GDI2: variants seen among roughly 807,000 people sequenced by gnomAD.
GDI2 encodes the protein rab GDP dissociation inhibitor beta.
In GDI2, 22 loss-of-function variants were observed where a neutral mutation model predicts 54.2. The observed-to-expected ratio is 0.41, with a 90% CI of 0.29 to 0.58. The LOEUF is 0.58. Among genes scored for constraint, GDI2 ranks in the 20% least tolerant of loss-of-function variants. GDI2 has a pLI of 0.35. For missense variants in GDI2, 422 were observed against 546.0 expected (o/e 0.77, Z 2.26); for synonymous variants, 177 against 182.1 (o/e 0.97, Z 0.23).
chr10:5,811,230 A>G (rs1841475077), intron 1 of GDI2, among the ~76,000 whole-genome samples: 1 of 152,210 alleles, frequency 6.6e-6, no homozygotes, highest in African/African-American at 2.4e-5. Flanking sequence ...TATAATTATC[A>G]AAGAACATCT....
In GDI2 at chr10:5,786,220, G is replaced by C. The variant is rs570963293; in HGVS notation, c.389-170C>G. Among the ~76,000 whole-genome samples, 203 of 135,072 alleles carry C rather than the reference G, an allele frequency of 1.5e-3. 1 individual carries two copies. Among genetic ancestry groups the C allele is most frequent in the Admixed American group, 2.6e-3 (30 of 11,476 alleles). 88.6% of individuals were successfully genotyped at this position (135,072 alleles called of 152,430 possible). On this transcript the variant is annotated intron_variant, in intron 4 of 10. Coordinates refer to ENST00000380191, the MANE Select transcript of GDI2 (RefSeq NM_001494.4). ...GAGTCTTGCTCTGTCGCCTAGACTGGAGTGCAATGACGCAATCTCAGCTCA... is the reference window on the plus strand; with the variant it reads ...GAGTCTTGCTCTGTCGCCTAGACTGCAGTGCAATGACGCAATCTCAGCTCA...
In GDI2 at chr10:5,768,305, A is replaced by C; in HGVS notation, c.899T>G (p.Val300Gly). 1.9e-6 allele frequency: 3 copies of C among 1,611,710 alleles called. No homozygotes were observed. Among genetic ancestry groups the C allele is most frequent in the Non-Finnish European group, 2.5e-6 (3 of 1,177,902 alleles). ...GATGGGGTGGCTGAGGATGCAAATA[A>C]CTCTGATCACCTGGCCCACTTTTTC... ...RVEKVGQVIRVICILSHPIKN... is the reference protein window; with the variant it reads ...RVEKVGQVIRGICILSHPIKN... Residue 300 changes from valine to glycine, a missense_variant, in exon 8 of 11, where the codon GTT (valine) becomes GGT (glycine). Transcript: ENST00000380191. This position sits in a 1 kb window ranked among gnomAD's most constrained non-coding sequence, Gnocchi z 4.4.
intron 2 of GDI2, among the ~76,000 whole-genome samples, chr10:5,800,188 C>A (rs1178377026): frequency 6.6e-6 from 1 of 151,976 alleles, no homozygotes; most frequent in Non-Finnish European, 1.5e-5. Flanking sequence ...GGCAGTATAG[C>A]AAAAGGAACT....
At chr10:5,799,018 A>T (rs922271215) in intron 2 of GDI2, among the ~76,000 whole-genome samples, 1 of 152,080 alleles carries the variant, frequency 6.6e-6, no homozygotes, top group African/African-American at 2.4e-5. Flanking sequence ...AAGAAAAGAA[A>T]AAAATTGTGA....
chr10:5,787,786 T>C (rs1202220625), intron 4 of GDI2, among the ~76,000 whole-genome samples: 1 of 152,248 alleles, frequency 6.6e-6, no homozygotes, highest in Non-Finnish European at 1.5e-5. Context: ...CTGTCAGAAC[T>C]TAAAGCTATT....
intron 6 of GDI2, among the ~76,000 whole-genome samples, chr10:5,781,215 C>T (rs1840746360): frequency 6.6e-6 from 1 of 150,428 alleles, no homozygotes; most frequent in Non-Finnish European, 1.5e-5. Context: ...ATCCCACACA[C>T]CAACACTGTC....
In GDI2 at chr10:5,797,607, C is replaced by T. The variant is rs922426577; in HGVS notation, c.154-745G>A. Among the ~76,000 whole-genome samples the T allele has an allele frequency of 4.9e-5, 7 of 142,966 alleles. No homozygotes were observed. In the South Asian group the frequency reaches 6.7e-4, roughly 14 times the overall value. The allele number at this position is 142,966 out of a possible 152,430, so 93.8% of individuals were successfully genotyped here. On this transcript the variant is annotated intron_variant, in intron 2 of 10. Transcript: ENST00000380191. ...GTGTGTGCCTGTAAGCCCAGCTACT[C>T]GAGAGGCTGAGGCAGGAGAATCACA...
chr10:5,812,520 G>C (rs1177946574), intron 1 of GDI2, among the ~76,000 whole-genome samples: 1 of 152,202 alleles, frequency 6.6e-6, no homozygotes, highest in Non-Finnish European at 1.5e-5. Flanking sequence ...CGAAGGTCAG[G>C]TGCGAAAGCA....
intron 7 of GDI2, among the ~76,000 whole-genome samples, chr10:5,772,105 T>C (rs1840503291): frequency 6.6e-6 from 1 of 151,888 alleles, no homozygotes; most frequent in South Asian, 2.1e-4. Context: ...TTTATCTCTA[T>C]CTCCTAAACA....
At chr10:5,784,251 C>CT (rs1840824247) in intron 6 of GDI2, among the ~76,000 whole-genome samples, 1 of 152,192 alleles carries the variant, frequency 6.6e-6, no homozygotes, top group African/African-American at 2.4e-5. Flanking sequence ...TTGCATGTCT[C>CT]TAAGTGTGTC....
chr10:5,794,529 A>C (rs1564396189), intron 4 of GDI2, among the ~76,000 whole-genome samples: 1 of 152,114 alleles, frequency 6.6e-6, no homozygotes, highest in Non-Finnish European at 1.5e-5. Context: ...TCAAATAAGA[A>C]AACAATATGG....
chr10:5,770,690 G>A (rs1454392420), intron 7 of GDI2, among the ~76,000 whole-genome samples: 2 of 151,896 alleles, frequency 1.3e-5, no homozygotes, highest in Non-Finnish European at 1.5e-5. Context: ...TTCTGGCCGG[G>A]CGCAGTGGCT....
chr10:5,790,061 C>T (rs771488060), intron 4 of GDI2, among the ~76,000 whole-genome samples: 11 of 152,186 alleles, frequency 7.2e-5, no homozygotes, highest in Admixed American at 1.3e-4. Context: ...CTGAGTAAAA[C>T]GTAGGACCCA....
At chr10:5,793,865 G>A (rs1249349508) in intron 4 of GDI2, among the ~76,000 whole-genome samples, 1 of 152,018 alleles carries the variant, frequency 6.6e-6, no homozygotes, top group Non-Finnish European at 1.5e-5. Flanking sequence ...GTTGGGCAGA[G>A]AATAAGATCA....
intron 1 of GDI2, among the ~76,000 whole-genome samples, chr10:5,808,758 C>T (rs1841430068): frequency 8.0e-6 from 1 of 124,366 alleles, no homozygotes; most frequent in Admixed American, 8.1e-5. Context: ...CAAATGTGAT[C>T]AGGAGTACAA....
At position 5,796,744 on chromosome 10, in the gene GDI2, TA is replaced by T. The variant is rs746840404; in HGVS notation, c.253+18del. ...TGTAATCAAAGTACTGTCATAAATT[TA>T]AGTTAGAAATTCTTTACCATTAGCC... On this transcript the variant is annotated intron_variant, in intron 3 of 10. Transcript: ENST00000380191. The T allele has an allele frequency of 8.8e-7, 1 of 1,132,322 alleles. No homozygotes were observed. Among genetic ancestry groups the T allele is most frequent in the South Asian group, 1.2e-5 (1 of 80,850 alleles). 70.1% of individuals were successfully genotyped at this position (1,132,322 alleles called of 1,614,324 possible).
At chr10:5,784,006 T>A (rs1840816534) in intron 6 of GDI2, among the ~76,000 whole-genome samples, 1 of 152,202 alleles carries the variant, frequency 6.6e-6, no homozygotes, top group Non-Finnish European at 1.5e-5. Context: ...CGGGGAAGTT[T>A]TCCTCAATTA....
intron 7 of GDI2, chr10:5,769,057 CAGG>C (rs890771496): frequency 6.6e-5 from 10 of 152,220 alleles, no homozygotes; most frequent in Middle Eastern, 3.4e-3. Context: ...GAGGCTGAGG[CAGG>C]AGAATTGCTT....
chr10:5,783,773 T>C (rs2131696681), intron 6 of GDI2, among the ~76,000 whole-genome samples: 1 of 152,332 alleles, frequency 6.6e-6, no homozygotes, highest in South Asian at 2.1e-4. Context: ...AGGATCCCAA[T>C]CCCTTCTAGC....
Sources: gnomAD v4.1 joint callset for allele counts (sites outside exome capture counted in the v4.1 genomes callset) on GRCh38, gnomAD v4.1.1 for gene constraint, Gnocchi (gnomAD v3.1) non-coding constraint, MANE v1.5 for transcripts, NCBI Gene and HGNC (gene_info 2026-07-23, HGNC 2026-07-21) for gene names.